Variants in FBLN1 observed in about 807,000 individuals in gnomAD.
FBLN1 encodes the protein fibulin 1.
FBLN1 carries 34 observed loss-of-function variants against 89.7 expected under a neutral mutation model. The ratio of observed to expected loss-of-function variants is 0.38; its 90% CI spans 0.29 to 0.50. The LOEUF (loss-of-function observed/expected upper bound fraction) is 0.50, where lower values mean the gene tolerates loss of function less well. Ranked by LOEUF, FBLN1 falls within the 20% of genes least tolerant of loss-of-function variation. The pLI, the probability that FBLN1 is intolerant of heterozygous loss-of-function variation, is 0.92. For missense variants in FBLN1, 777 were observed against 988.1 expected (o/e 0.79, Z 2.86); for synonymous variants, 393 against 391.3 (o/e 1.00, Z -0.05).
At position 45,530,776 on chromosome 22, in the gene FBLN1, T is replaced by A. The variant is rs2088394974; in HGVS notation, c.485-489T>A. Among the ~76,000 whole-genome samples, 1 of 152,126 alleles carries A rather than the reference T, an allele frequency of 6.6e-6. No homozygotes were observed. The highest frequency in any genetic ancestry group is 2.4e-5 in the African/African-American group (1 of 41,424). ...TCTTTCTGTTATAACTGATCTTTTT[T>A]TTTTGAAACGGAGTCTCGCTCTTGT... On this transcript the variant is annotated intron_variant, in intron 4 of 16. Coordinates refer to ENST00000327858, the MANE Select transcript of FBLN1 (RefSeq NM_006486.3). The surrounding 1 kb of genome is among the most constrained non-coding windows in gnomAD (Gnocchi z 5.4).
chr22:45,592,168 G>T (rs763833826), intron 16 of FBLN1, among the ~76,000 whole-genome samples: 10 of 152,146 alleles, frequency 6.6e-5, no homozygotes, highest in Non-Finnish European at 1.2e-4. Flanking sequence ...GAAGGAGGGC[G>T]ACCGTGTCTC....
Position 45,580,658 on chromosome 22 carries a change from C to T in FBLN1, c.1972+3550C>T, listed in dbSNP as rs1489580557. 6.6e-6 allele frequency among the ~76,000 whole-genome samples: 1 copy of T among 152,260 alleles called. No homozygotes were observed. Among genetic ancestry groups the T allele is most frequent in the Non-Finnish European group, 1.5e-5 (1 of 68,042 alleles). ...AGCCCGGTCTTCCCCAGACACCACA[C>T]CCGCCCAGAGCCGGAGCCCAGGGTT... On this transcript the variant is annotated intron_variant, in intron 16 of 16. Coordinates refer to ENST00000327858, the MANE Select transcript of FBLN1 (RefSeq NM_006486.3). The surrounding 1 kb of genome is among the most constrained non-coding windows in gnomAD (Gnocchi z 8.6).
rs1569258233 is a variant in FBLN1 at position 45,563,813 on chromosome 22, CAAG to C, written c.1698-10695_1698-10693del. ...CCCGGAGGTGAGCATTTCACTGAGA[CAAG>C]AAAGCTCTCTCCTGAGATTCAAGCC... On this transcript the variant is annotated intron_variant, in intron 14 of 16. Coordinates refer to ENST00000327858, the MANE Select transcript of FBLN1 (RefSeq NM_006486.3). The surrounding 1 kb of genome is among the most constrained non-coding windows in gnomAD (Gnocchi z 5.7). 6.6e-6 allele frequency among the ~76,000 whole-genome samples: 1 copy of C among 152,178 alleles called. No individual in the cohort carries two copies.
chr22:45,592,464 A>G (rs1601545297), intron 16 of FBLN1, among the ~76,000 whole-genome samples: 1 of 151,962 alleles, frequency 6.6e-6, no homozygotes, highest in South Asian at 2.1e-4. Context: ...AGTAGCTGGG[A>G]TTATAGGCGC....
At chr22:45,587,015 G>A (rs773193696) in intron 16 of FBLN1, among the ~76,000 whole-genome samples, 6 of 152,152 alleles carry the variant, frequency 3.9e-5, no homozygotes, top group Non-Finnish European at 7.4e-5. Flanking sequence ...GGACTCCTGC[G>A]AGGCATGTGG....
intron 1 of FBLN1, among the ~76,000 whole-genome samples, chr22:45,516,657 G>C (rs138679536): frequency 0.028 from 4,297 of 152,306 alleles, 89 homozygotes; most frequent in Non-Finnish European, 0.045. Flanking sequence ...GAGGTGGGAG[G>C]GGGGCTGAGT....
chr22:45,510,993 A>G (rs1313222284), intron 1 of FBLN1, among the ~76,000 whole-genome samples: 3 of 152,182 alleles, frequency 2.0e-5, no homozygotes, highest in Admixed American at 1.3e-4. Flanking sequence ...GCCATCGGGC[A>G]CCGTGTCAGC....
intron 16 of FBLN1, among the ~76,000 whole-genome samples, chr22:45,593,673 G>C (rs180903872): frequency 1.3e-5 from 2 of 152,274 alleles, no homozygotes; most frequent in Admixed American, 1.3e-4. Flanking sequence ...TTACTGCTGG[G>C]GTGGTCCTTC....
rs1020154646 is a variant in FBLN1 at position 45,597,481 on chromosome 22, C to G, written c.1973-2826C>G. ...AAAGTTGGCAGGTCACTGTGGCTAG[C>G]GGGGGCACCATTGTTGGCCTCGGGC... On this transcript the variant is annotated intron_variant, in intron 16 of 16. Transcript: ENST00000327858. This position sits in a 1 kb window ranked among gnomAD's most constrained non-coding sequence, Gnocchi z 4.2. Among the ~76,000 whole-genome samples the G allele has an allele frequency of 2.0e-5, 3 of 152,096 alleles. No homozygotes were observed. The highest frequency in any genetic ancestry group is 4.4e-5 in the Non-Finnish European group (3 of 68,032).
intron 14 of FBLN1, among the ~76,000 whole-genome samples, chr22:45,560,750 C>T (rs770611051): frequency 3.3e-5 from 5 of 152,162 alleles, no homozygotes; most frequent in African/African-American, 7.2e-5. Context: ...CAGTTCTTTT[C>T]GAGTGTAGCT....
chr22:45,518,369 G>A (rs1440983699), intron 1 of FBLN1, among the ~76,000 whole-genome samples: 4 of 152,112 alleles, frequency 2.6e-5, no homozygotes, highest in African/African-American at 7.2e-5. Flanking sequence ...GACCGCATCA[G>A]CATCTCCAGC....
rs1000678725 is a variant in FBLN1 at position 45,548,618 on chromosome 22, G to A, written c.1447G>A (p.Asp483Asn). Residue 483 changes from aspartate to asparagine, a missense_variant, in exon 13 of 17, where the codon GAC becomes AAC. Asp to Asn is a conservative substitution (Grantham distance 23). Transcript: ENST00000327858. ...GGTGGGCTTTGCCGTTGCAGACATC[G>A]ACGAGTGCGCCCTGCCCACCGGGGG... ...DVDGVTCEDI[D>N]ECALPTGGHI... The A allele has an allele frequency of 2.5e-6, 4 of 1,613,578 alleles. No individual in the cohort carries two copies. Among genetic ancestry groups the A allele is most frequent in the South Asian group, 1.1e-5 (1 of 91,074 alleles).
At chr22:45,548,825 G>T (rs1269344769) in intron 13 of FBLN1, 81 bp downstream of exon 13, 1 of 1,585,476 alleles carries the variant, frequency 6.3e-7, no homozygotes, top group South Asian at 1.1e-5. Flanking sequence ...TGGGCTCGGG[G>T]GCTGTGCTTC....
chr22:45,593,560 C>G (rs6007097), intron 16 of FBLN1, among the ~76,000 whole-genome samples: 45,512 of 152,064 alleles, frequency 0.3, 10,193 homozygotes, highest in African/African-American at 0.63. Context: ...GCACTGTGGC[C>G]TTTTTTTTCT....
In FBLN1 at chr22:45,577,104, C is replaced by T. The variant is rs148357097; in HGVS notation, c.1968C>T (p.Thr656=). The part of the protein sequence containing the change: ...DIIKRYMDGM[T]VGVVRQVRPI... ...TCAAGCGTTACATGGACGGCATGAC[C>T]GTGGGTGAGTGGCTGGGAATATCAG... The change falls in exon 16 of 17, where the codon ACC becomes ACT. Residue 656 remains threonine, a synonymous_variant. Transcript: ENST00000327858. This position sits in a 1 kb window ranked among gnomAD's most constrained non-coding sequence, Gnocchi z 6.6. 45 of 1,613,950 alleles carry T rather than the reference C, an allele frequency of 2.8e-5. No homozygotes were observed. Among genetic ancestry groups the T allele is most frequent in the East Asian group, 6.7e-5 (3 of 44,898 alleles).
At chr22:45,511,600 C>T (rs1387927759) in intron 1 of FBLN1, among the ~76,000 whole-genome samples, 2 of 152,156 alleles carry the variant, frequency 1.3e-5, no homozygotes, top group African/African-American at 4.8e-5. Flanking sequence ...GTGCCCGCCA[C>T]CATGCCCAGC....
intron 16 of FBLN1, among the ~76,000 whole-genome samples, chr22:45,593,187 C>T (rs913784310): frequency 2.1e-5 from 3 of 141,162 alleles, no homozygotes; most frequent in African/African-American, 7.8e-5. Context: ...TGACTTTCAT[C>T]ATTTGAAACA....
At chr22:45,524,384 C>T (rs1265868163) in intron 2 of FBLN1, among the ~76,000 whole-genome samples, 2 of 152,196 alleles carry the variant, frequency 1.3e-5, no homozygotes, top group Non-Finnish European at 2.9e-5. Flanking sequence ...CCACGCCAGC[C>T]CCTAGCTGTC....
chr22:45,525,257 G>A (rs1470604107), intron 2 of FBLN1, among the ~76,000 whole-genome samples: 1 of 152,216 alleles, frequency 6.6e-6, no homozygotes, highest in Non-Finnish European at 1.5e-5. Flanking sequence ...GTCTTACCAT[G>A]TTGCCCAGAC....
Sources: gnomAD v4.1 joint callset for allele counts (sites outside exome capture counted in the v4.1 genomes callset) on GRCh38, gnomAD v4.1.1 for gene constraint, Gnocchi (gnomAD v3.1) non-coding constraint, MANE v1.5 for transcripts, NCBI Gene and HGNC (gene_info 2026-07-23, HGNC 2026-07-21) for gene names.